Variants in ERG observed in about 807,000 individuals in gnomAD.
ERG encodes transcriptional regulator ERG.
ERG carries 9 observed loss-of-function variants against 55.3 expected under a neutral mutation model. That is an observed-to-expected ratio of 0.16 (90% CI 0.10 to 0.28). The LOEUF (loss-of-function observed/expected upper bound fraction) is 0.28. Among genes scored for constraint, ERG ranks in the 10% least tolerant of loss-of-function variants. ERG has a pLI of 1.00. For synonymous variants in ERG, 223 were observed against 237.3 expected, an observed-to-expected ratio of 0.94 and a Z score of 0.55; for missense variants, 434 against 631.6, an observed-to-expected ratio of 0.69 and a Z score of 3.35.
chr21:38,478,858 T>C (rs192319563), intron 1 of ERG, among the ~76,000 whole-genome samples: 135 of 152,310 alleles, frequency 8.9e-4, no homozygotes, highest in African/African-American at 3.2e-3. Flanking sequence ...TCATTTTTCA[T>C]AGGATGTAAT....
At chr21:38,636,004 C>T (rs1601337717) in intron 1 of ERG, among the ~76,000 whole-genome samples, 2 of 152,168 alleles carry the variant, frequency 1.3e-5, no homozygotes, top group African/African-American at 4.8e-5. Flanking sequence ...CCATAATCTC[C>T]ATGTGTCATG....
chr21:38,399,180 C>A (rs1295955259), intron 6 of ERG, among the ~76,000 whole-genome samples: 3 of 152,120 alleles, frequency 2.0e-5, no homozygotes, highest in African/African-American at 7.2e-5. Context: ...TGACTTACTA[C>A]CTCTTAGTAC....
chr21:38,578,696 C>G (rs181622684), intron 1 of ERG, among the ~76,000 whole-genome samples: 1 of 152,128 alleles, frequency 6.6e-6, no homozygotes. Context: ...CCATAGACAA[C>G]CAAAACCCCA....
At chr21:38,573,562 C>T (rs534551452) in intron 2 of ERG, among the ~76,000 whole-genome samples, 15 of 152,372 alleles carry the variant, frequency 9.8e-5, no homozygotes, top group East Asian at 1.9e-4. Flanking sequence ...CCTATGTGCA[C>T]ATCCAGGCAT....
At chr21:38,571,142 C>A (rs935121167) in intron 2 of ERG, among the ~76,000 whole-genome samples, 2 of 152,044 alleles carry the variant, frequency 1.3e-5, no homozygotes, top group Non-Finnish European at 2.9e-5. Context: ...TGTGACAGCT[C>A]CACCCCTTCA....
At chr21:38,544,389 C>T (rs1356405440) in intron 2 of ERG, among the ~76,000 whole-genome samples, 1 of 152,082 alleles carries the variant, frequency 6.6e-6, no homozygotes, top group Non-Finnish European at 1.5e-5. Context: ...TGCAGAGAAG[C>T]GAGGACAATT....
intron 2 of ERG, among the ~76,000 whole-genome samples, chr21:38,426,432 T>C (rs766854524): frequency 1.3e-5 from 2 of 152,174 alleles, no homozygotes; most frequent in African/African-American, 2.4e-5. Context: ...TTAGGTTCTT[T>C]AGGAAAAAGA....
intron 2 of ERG, among the ~76,000 whole-genome samples, chr21:38,430,676 G>T (rs901401134): frequency 2.6e-5 from 4 of 152,188 alleles, no homozygotes; most frequent in South Asian, 4.1e-4. Flanking sequence ...AGAATTCTGA[G>T]AAAGAACTGA....
chr21:38,499,922 A>G (rs935737102), upstream of ERG, among the ~76,000 whole-genome samples: 2 of 152,118 alleles, frequency 1.3e-5, no homozygotes. Context: ...ATTGTAAGAA[A>G]ATCATTCTGT....
intron 2 of ERG, among the ~76,000 whole-genome samples, chr21:38,503,978 G>A (rs2059441139): frequency 6.6e-6 from 1 of 152,100 alleles, no homozygotes; most frequent in Admixed American, 6.5e-5. Context: ...TCACTCCATT[G>A]GATACAACTA....
intron 2 of ERG, among the ~76,000 whole-genome samples, chr21:38,441,124 C>T (rs2058837313): frequency 6.6e-6 from 1 of 152,158 alleles, no homozygotes; most frequent in Non-Finnish European, 1.5e-5. Context: ...GGTGAACTGG[C>T]CCCCCAGAGC....
intron 2 of ERG, among the ~76,000 whole-genome samples, chr21:38,540,542 T>G (rs1388061909): frequency 6.6e-6 from 1 of 152,164 alleles, no homozygotes; most frequent in Admixed American, 6.5e-5. Flanking sequence ...GATTCCCCTG[T>G]GAGGCCATGA....
At chr21:38,636,094 G>A (rs899263189) in intron 1 of ERG, among the ~76,000 whole-genome samples, 6 of 148,692 alleles carry the variant, frequency 4.0e-5, no homozygotes, top group African/African-American at 1.5e-4. Context: ...GTTCTCATGA[G>A]ATCTAATGAT....
chr21:38,409,370 C>A (rs1988930425), intron 3 of ERG, among the ~76,000 whole-genome samples: 1 of 151,742 alleles, frequency 6.6e-6, no homozygotes, highest in South Asian at 2.1e-4. Context: ...GTAATGCCAG[C>A]TACTCAGGAG....
At chr21:38,432,950 A>G (rs1990288085) in intron 2 of ERG, among the ~76,000 whole-genome samples, 1 of 152,230 alleles carries the variant, frequency 6.6e-6, no homozygotes, top group African/African-American at 2.4e-5. Context: ...GAACATCTTC[A>G]GAGTGGCCCT....
intron 1 of ERG, among the ~76,000 whole-genome samples, chr21:38,636,158 G>A (rs912119585): frequency 1.8e-4 from 28 of 152,162 alleles, no homozygotes; most frequent in African/African-American, 6.3e-4. Flanking sequence ...CTGCTGCCAT[G>A]TGAAGAAGGA....
chr21:38,586,608 G>A (rs377688985), upstream of ERG, among the ~76,000 whole-genome samples: 5 of 152,270 alleles, frequency 3.3e-5, no homozygotes, highest in South Asian at 4.1e-4. Flanking sequence ...CTTGCCCACC[G>A]TTGGTGGGAA....
At chr21:38,640,658 A>C (rs1356406532) in intron 1 of ERG, among the ~76,000 whole-genome samples, 1 of 152,122 alleles carries the variant, frequency 6.6e-6, no homozygotes, top group Non-Finnish European at 1.5e-5. Context: ...CATGATTGTG[A>C]GGCCTCCCCA....
rs78484981 is a variant in ERG, at chr21:38,605,110, G to A, written c.-149-20165C>T. The stretch of plus-strand genomic sequence containing the variant: ...TTTCAGTTTTTCCTACCAAAATACC[G>A]GCTATTTTTGTTCTCTCCTTCCCCA... On this transcript the variant is annotated intron_variant, in intron 1 of 10. Coordinates refer to the ERG transcript ENST00000398910. 8.4e-3 allele frequency among the ~76,000 whole-genome samples: 1,276 copies of A among 151,946 alleles called. 17 individuals are homozygous for A. The highest frequency in any genetic ancestry group is 0.028 in the African/African-American group (1,179 of 41,416).
Sources: gnomAD v4.1 joint callset for allele counts (sites outside exome capture counted in the v4.1 genomes callset) on GRCh38, gnomAD v4.1.1 for gene constraint, MANE v1.5 for transcripts, NCBI Gene and HGNC (gene_info 2026-07-23, HGNC 2026-07-21) for gene names.